TBCK: variants seen among roughly 807,000 people sequenced by gnomAD.
TBCK encodes TBC1 domain containing kinase.
Under a neutral mutation model 113.4 loss-of-function variants are expected in TBCK, and 99 were observed. The observed-to-expected ratio is 0.87, with a 90% CI of 0.74 to 1.03. TBCK has a LOEUF of 1.03. Among genes scored for constraint, TBCK ranks in the 50% least tolerant of loss-of-function variants. TBCK has a pLI of 0.00. For missense variants in TBCK, 1,045 were observed against 1,061.3 expected (o/e 0.98, Z 0.21); for synonymous variants, 369 against 370.8 (o/e 1.00, Z 0.05).
chr4:106,082,493 C>T (rs963270092), intron 25 of TBCK, among the ~76,000 whole-genome samples: 4 of 151,800 alleles, frequency 2.6e-5, no homozygotes, highest in South Asian at 2.1e-4. Context: ...AGGTACTATG[C>T]TCACTACACA....
intron 3 of TBCK, among the ~76,000 whole-genome samples, chr4:106,289,078 G>C (rs1387383898): frequency 2.0e-5 from 3 of 152,166 alleles, no homozygotes; most frequent in Non-Finnish European, 4.4e-5. Flanking sequence ...TTATCAATCT[G>C]TACCATGTTT....
chr4:106,082,527 G>A (rs534503845), intron 25 of TBCK, among the ~76,000 whole-genome samples: 1 of 151,880 alleles, frequency 6.6e-6, no homozygotes, highest in East Asian at 1.9e-4. Flanking sequence ...ATTTGTACAC[G>A]AAGGATCAGC....
chr4:106,106,893 A>C (rs909118610), intron 24 of TBCK, among the ~76,000 whole-genome samples: 1 of 152,196 alleles, frequency 6.6e-6, no homozygotes, highest in Admixed American at 6.5e-5. Context: ...TCAAGAGACT[A>C]TCTCACACAT....
chr4:106,069,280 C>A (rs1737068570), intron 25 of TBCK, among the ~76,000 whole-genome samples: 1 of 152,086 alleles, frequency 6.6e-6, no homozygotes, highest in East Asian at 1.9e-4. Flanking sequence ...GGTTTTAGGT[C>A]TAATATTTAA....
At chr4:106,053,217 T>C (rs773188414) in intron 25 of TBCK, among the ~76,000 whole-genome samples, 6 of 151,690 alleles carry the variant, frequency 4.0e-5, no homozygotes, top group Non-Finnish European at 7.4e-5. Context: ...TTTAATCTAA[T>C]GGTTTGTCCT....
rs1339456649 is a variant in TBCK at position 106,215,861 on chromosome 4, C to T, written c.1775-3026G>A. ...GAATTGAACTCAGCTCTGCACCAAG[C>T]GGACCCAATAGACATCTACAGAACT... On this transcript the variant is annotated intron_variant, in intron 19 of 25. Transcript: ENST00000394708. Among the ~76,000 whole-genome samples the T allele has an allele frequency of 3.0e-4, 46 of 151,766 alleles. 1 individual carries two copies. Among genetic ancestry groups the T allele is most frequent in the African/African-American group, 7.3e-4 (30 of 41,324 alleles).
intron 19 of TBCK, among the ~76,000 whole-genome samples, chr4:106,226,006 A>G (rs1364532456): frequency 6.6e-6 from 1 of 152,016 alleles, no homozygotes; most frequent in Non-Finnish European, 1.5e-5. Context: ...CTACAAAAAA[A>G]TACAAAAATT....
intron 25 of TBCK, among the ~76,000 whole-genome samples, chr4:106,062,011 C>T (rs183035452): frequency 9.2e-4 from 139 of 151,874 alleles, no homozygotes; most frequent in African/African-American, 2.9e-3. Flanking sequence ...GAACACTTTA[C>T]ACATAATTTC....
intron 23 of TBCK, among the ~76,000 whole-genome samples, chr4:106,119,598 T>C (rs985636021): frequency 2.0e-5 from 3 of 152,130 alleles, no homozygotes; most frequent in Non-Finnish European, 2.9e-5. Context: ...AGGACACTGG[T>C]CTGGGAAATG....
chr4:106,249,952 T>C (rs1295838799), intron 7 of TBCK, among the ~76,000 whole-genome samples: 1 of 152,118 alleles, frequency 6.6e-6, no homozygotes, highest in African/African-American at 2.4e-5. Flanking sequence ...TAAATTTTTA[T>C]TAATTTGAAT....
chr4:106,096,819 T>G (rs143685835), intron 24 of TBCK, among the ~76,000 whole-genome samples: 18 of 152,304 alleles, frequency 1.2e-4, no homozygotes, highest in African/African-American at 4.3e-4. Flanking sequence ...AAAATCACCT[T>G]TAAGTGCCTC....
intron 12 of TBCK, among the ~76,000 whole-genome samples, chr4:106,239,735 T>C (rs1041905480): frequency 6.6e-6 from 1 of 152,048 alleles, no homozygotes; most frequent in African/African-American, 2.4e-5. Flanking sequence ...ACTGAAGTAA[T>C]GATTACACCC....
chr4:106,107,945 C>G (rs540299507), intron 24 of TBCK, among the ~76,000 whole-genome samples: 1 of 152,140 alleles, frequency 6.6e-6, no homozygotes, highest in Admixed American at 6.5e-5. Flanking sequence ...TGAAATGTAA[C>G]CACTGACCCC....
chr4:106,275,625 T>C (rs1763943272), intron 3 of TBCK, among the ~76,000 whole-genome samples: 1 of 152,192 alleles, frequency 6.6e-6, no homozygotes. Context: ...TATTTCTATA[T>C]ATTAGCAGCA....
Position 106,046,682 on chromosome 4 carries a change from T to A in TBCK, c.2572-2A>T. On this transcript the variant is annotated splice_acceptor_variant, in intron 25 of 25. Transcript: ENST00000394708. LOFTEE classifies it high-confidence loss of function. Reference sequence around the variant, plus strand: ...CATCTTCACAAGGTGAGCTGCAAACTGGAAAAAAAAAGAGGCAAAATTTTT... The same window carrying A: ...CATCTTCACAAGGTGAGCTGCAAACAGGAAAAAAAAAGAGGCAAAATTTTT... The A allele has an allele frequency of 1.3e-6, 2 of 1,576,452 alleles. No homozygotes were observed. The highest frequency in any genetic ancestry group is 1.1e-5 in the South Asian group (1 of 88,228).
intron 16 of TBCK, 72 bp from the exon 17 acceptor site, chr4:106,233,136 A>G: frequency 1.5e-6 from 2 of 1,359,844 alleles, no homozygotes; most frequent in Middle Eastern, 1.9e-4. Flanking sequence ...ATCCTTGTTC[A>G]TTAAATAAGG....
chr4:106,214,905 C>A (rs573661252), intron 19 of TBCK, among the ~76,000 whole-genome samples: 8 of 152,004 alleles, frequency 5.3e-5, no homozygotes, highest in Admixed American at 5.2e-4. Flanking sequence ...CTCCAAGACA[C>A]ATAATAGTCA....
chr4:106,316,457 A>G, upstream of TBCK: 1 of 1,279,000 alleles, frequency 7.8e-7, no homozygotes, highest in Non-Finnish European at 1.1e-6. Context: ...GAAAGAATTG[A>G]GGGTTGAATC....
At chr4:106,178,763 T>C (rs908624731) in intron 22 of TBCK, among the ~76,000 whole-genome samples, 1 of 151,856 alleles carries the variant, frequency 6.6e-6, no homozygotes, top group African/African-American at 2.4e-5. Flanking sequence ...GGGATATTGG[T>C]ATTTAGAATG....
Sources: gnomAD v4.1 joint callset for allele counts (sites outside exome capture counted in the v4.1 genomes callset) on GRCh38, gnomAD v4.1.1 for gene constraint, MANE v1.5 for transcripts, NCBI Gene and HGNC (gene_info 2026-07-23, HGNC 2026-07-21) for gene names.